Variants in GRIA4 observed in about 807,000 individuals in gnomAD.
GRIA4 encodes the protein glutamate receptor 4.
GRIA4 carries 34 observed loss-of-function variants against 104.0 expected under a neutral mutation model. The ratio of observed to expected loss-of-function variants is 0.33; its 90% CI spans 0.25 to 0.44. The LOEUF is 0.44. Ranked by LOEUF, GRIA4 falls within the 20% of genes least tolerant of loss-of-function variation. GRIA4 has a pLI of 1.00. For synonymous variants in GRIA4, 386 were observed against 381.9 expected (o/e 1.01, Z -0.13); for missense variants, 750 against 1,096.5 (o/e 0.68, Z 4.46).
chr11:105,825,967 C>T (rs1217404120), intron 4 of GRIA4, among the ~76,000 whole-genome samples: 2 of 152,046 alleles, frequency 1.3e-5, no homozygotes, highest in African/African-American at 4.8e-5. Flanking sequence ...TCCATCCAAA[C>T]CCCATAGTTG....
At chr11:105,755,452 T>C (rs1940248860) in intron 4 of GRIA4, among the ~76,000 whole-genome samples, 1 of 152,180 alleles carries the variant, frequency 6.6e-6, no homozygotes. Context: ...ATAAGAAATA[T>C]TCTTTTGTTC....
intron 11 of GRIA4, among the ~76,000 whole-genome samples, chr11:105,924,107 T>C (rs558530998): frequency 5.2e-4 from 79 of 152,276 alleles, no homozygotes; most frequent in Non-Finnish European, 8.4e-4. Flanking sequence ...CCTTAAAGAC[T>C]AATACAGTAA....
chr11:105,764,846 C>A (rs998456503), intron 4 of GRIA4, among the ~76,000 whole-genome samples: 1 of 151,602 alleles, frequency 6.6e-6, no homozygotes, highest in Non-Finnish European at 1.5e-5. Context: ...AAAAAATAGT[C>A]CTCTTAGCAA....
intron 3 of GRIA4, among the ~76,000 whole-genome samples, chr11:105,734,348 A>T (rs1467496618): frequency 6.6e-6 from 1 of 152,018 alleles, no homozygotes; most frequent in Non-Finnish European, 1.5e-5. Flanking sequence ...CTACTCACTA[A>T]ATATGCCTTG....
intron 11 of GRIA4, 82 bp downstream of exon 11, chr11:105,919,000 G>A (rs916687682): frequency 1.5e-5 from 12 of 794,650 alleles, no homozygotes; most frequent in African/African-American, 6.9e-5. Flanking sequence ...ATTTTTAAAC[G>A]TCTATTATTG....
At chr11:105,774,328 T>G (rs190891974) in intron 4 of GRIA4, among the ~76,000 whole-genome samples, 2 of 151,674 alleles carry the variant, frequency 1.3e-5, no homozygotes, top group East Asian at 3.9e-4. Context: ...AGATATAAAT[T>G]TATAGACTTA....
At chr11:105,786,220 A>G (rs973890507) in intron 4 of GRIA4, among the ~76,000 whole-genome samples, 4 of 151,728 alleles carry the variant, frequency 2.6e-5, no homozygotes, top group African/African-American at 4.8e-5. Context: ...AATGTTTTGT[A>G]AAATATCTAT....
intron 3 of GRIA4, among the ~76,000 whole-genome samples, chr11:105,660,089 A>C (rs1388052915): frequency 6.6e-6 from 1 of 151,770 alleles, no homozygotes. Context: ...TCAATTCAGG[A>C]GTTCTAACGT....
intron 13 of GRIA4, among the ~76,000 whole-genome samples, chr11:105,929,152 C>CCT (rs1372514505): frequency 6.6e-6 from 1 of 152,036 alleles, no homozygotes; most frequent in East Asian, 1.9e-4. Context: ...TTGCTTCCCT[C>CCT]CTCTCCCATA....
chr11:105,847,346 G>C (rs1287385719), intron 4 of GRIA4, among the ~76,000 whole-genome samples: 1 of 152,148 alleles, frequency 6.6e-6, no homozygotes, highest in Non-Finnish European at 1.5e-5. Context: ...TTGCTGTGTA[G>C]CCAAGTTGCT....
intron 3 of GRIA4, among the ~76,000 whole-genome samples, chr11:105,748,915 G>C (rs1359641231): frequency 6.6e-6 from 1 of 152,298 alleles, no homozygotes; most frequent in African/African-American, 2.4e-5. Context: ...CATTTGAAGT[G>C]GGTGGTACAG....
chr11:105,958,175 C>T (rs886213526), intron 14 of GRIA4, among the ~76,000 whole-genome samples: 1 of 152,118 alleles, frequency 6.6e-6, no homozygotes, highest in Non-Finnish European at 1.5e-5. Context: ...AGAGAGGGCA[C>T]CCCTGTCTTG....
chr11:105,868,106 T>C (rs1400676230), intron 5 of GRIA4, among the ~76,000 whole-genome samples: 2 of 152,134 alleles, frequency 1.3e-5, no homozygotes, highest in Non-Finnish European at 2.9e-5. Flanking sequence ...CAAAAATGTA[T>C]GAAGAATCCA....
At chr11:105,945,537 C>T in intron 14 of GRIA4, 1 of 783,856 alleles carries the variant, frequency 1.3e-6, no homozygotes, top group Non-Finnish European at 1.5e-6. Flanking sequence ...GAATGGCTTC[C>T]ATCCATTTGA....
At chr11:105,911,973 A>C in intron 10 of GRIA4, 2 of 1,488,004 alleles carry the variant, frequency 1.3e-6, no homozygotes, top group South Asian at 2.7e-5. Context: ...CTTGTTCTCC[A>C]GTGTAGTAAA....
chr11:105,881,778 A>G (rs1946071150), intron 5 of GRIA4, among the ~76,000 whole-genome samples: 1 of 151,986 alleles, frequency 6.6e-6, no homozygotes, highest in African/African-American at 2.4e-5. Context: ...TTGGTGTATC[A>G]TTTCCTTTAA....
chr11:105,638,056 T>C (rs1363662083), intron 3 of GRIA4, among the ~76,000 whole-genome samples: 1 of 152,166 alleles, frequency 6.6e-6, no homozygotes, highest in African/African-American at 2.4e-5. Context: ...GTTTTGTGCG[T>C]TTGAACTAAT....
At chr11:105,672,151 T>C (rs1193792725) in intron 3 of GRIA4, among the ~76,000 whole-genome samples, 2 of 152,186 alleles carry the variant, frequency 1.3e-5, no homozygotes, top group Non-Finnish European at 2.9e-5. Context: ...GGTGAAAGGT[T>C]ATAAAAATAA....
chr11:105,800,127 G>T (rs1252672920), intron 4 of GRIA4, among the ~76,000 whole-genome samples: 1 of 152,108 alleles, frequency 6.6e-6, no homozygotes, highest in Non-Finnish European at 1.5e-5. Flanking sequence ...AATGGTTCTA[G>T]TGGGATCAAA....
Sources: gnomAD v4.1 joint callset for allele counts (sites outside exome capture counted in the v4.1 genomes callset) on GRCh38, gnomAD v4.1.1 for gene constraint, MANE v1.5 for transcripts, NCBI Gene and HGNC (gene_info 2026-07-23, HGNC 2026-07-21) for gene names.